The following LRRC38 variants were observed in gnomAD, a reference collection of about 807,000 sequenced individuals.
LRRC38 encodes the protein leucine rich repeat containing 38.
A neutral mutation model predicts 16.4 loss-of-function variants in LRRC38; 5 were observed. That is an observed-to-expected ratio of 0.31 (90% confidence interval 0.16 to 0.64). The LOEUF (loss-of-function observed/expected upper bound fraction) is 0.64, where lower values mean the gene tolerates loss of function less well. Among genes scored for constraint, LRRC38 ranks in the 30% least tolerant of loss-of-function variants. LRRC38 has a pLI of 0.80. For synonymous variants in LRRC38, 191 were observed against 190.2 expected (o/e 1.00, Z -0.04); for missense variants, 341 against 401.8 (o/e 0.85, Z 1.29).
At chr1:13,512,932 T>TCCCCCCCC in intron 1 of LRRC38, 31 bp downstream of exon 1, 24 of 495,292 alleles carry the variant, frequency 4.8e-5, no homozygotes, top group South Asian at 2.8e-4. Flanking sequence ...CCCCCCTCCC[T>TCCCCCCCC]CCCTCCCCCA....
At chr1:13,494,733 C>A (rs1639061463) in intron 1 of LRRC38, among the ~76,000 whole-genome samples, 1 of 152,178 alleles carries the variant, frequency 6.6e-6, no homozygotes, top group Non-Finnish European at 1.5e-5. Flanking sequence ...CTCAGCTTCT[C>A]ACTAGTTCGC....
At chr1:13,482,681 A>G (rs1385537020) in intron 1 of LRRC38, among the ~76,000 whole-genome samples, 1 of 151,798 alleles carries the variant, frequency 6.6e-6, no homozygotes, top group Non-Finnish European at 1.5e-5. Context: ...CAGTGGAAGG[A>G]TGGGCTGGCA....
intron 1 of LRRC38, among the ~76,000 whole-genome samples, chr1:13,489,152 G>C (rs1638977086): frequency 6.6e-6 from 1 of 152,146 alleles, no homozygotes. Context: ...GACAAACATG[G>C]AAGGTTCTCC....
intron 1 of LRRC38, among the ~76,000 whole-genome samples, chr1:13,485,365 C>T (rs1447003715): frequency 6.6e-6 from 1 of 151,102 alleles, no homozygotes; most frequent in African/African-American, 2.4e-5. Flanking sequence ...ATCATGAGGT[C>T]AGGAGATTGA....
chr1:13,501,165 G>A (rs924400582), intron 1 of LRRC38, among the ~76,000 whole-genome samples: 6 of 151,662 alleles, frequency 4.0e-5, no homozygotes, highest in East Asian at 1.9e-4. Context: ...ATATATATAC[G>A]CATATATATT....
chr1:13,501,834 T>C (rs1366332777), intron 1 of LRRC38, among the ~76,000 whole-genome samples: 1 of 152,098 alleles, frequency 6.6e-6, no homozygotes, highest in Non-Finnish European at 1.5e-5. Context: ...TGGAGTGCAG[T>C]GGCACGATCT....
intron 1 of LRRC38, among the ~76,000 whole-genome samples, chr1:13,494,480 A>G (rs569817028): frequency 6.8e-6 from 1 of 147,518 alleles, no homozygotes; most frequent in Non-Finnish European, 1.5e-5. Context: ...TCTGGCCCTC[A>G]TGATAGACTT....
In LRRC38 at chr1:13,508,601, A is replaced by G. The variant is rs185653279; in HGVS notation, c.631+4362T>C. On this transcript the variant is annotated intron_variant, in intron 1 of 1. Coordinates refer to ENST00000376085, the MANE Select transcript of LRRC38 (RefSeq NM_001010847.2). ...ATAGCAAAACTTTCATAGCAATGGG[A>G]TTCTGGGTACCTTTTATTTTCTTCA... Among the ~76,000 whole-genome samples the G allele has an allele frequency of 2.2e-3, 341 of 152,292 alleles. 2 individuals carry two copies. The highest frequency in any genetic ancestry group is 7.4e-3 in the African/African-American group (308 of 41,552).
At chr1:13,496,381 C>T (rs746368515) in intron 1 of LRRC38, among the ~76,000 whole-genome samples, 3 of 152,000 alleles carry the variant, frequency 2.0e-5, no homozygotes, top group Non-Finnish European at 4.4e-5. Flanking sequence ...CTATGTTTCC[C>T]AGGCTGGTCT....
At chr1:13,506,394 C>T (rs1372523506) in intron 1 of LRRC38, among the ~76,000 whole-genome samples, 3 of 152,200 alleles carry the variant, frequency 2.0e-5, no homozygotes, top group Admixed American at 2.0e-4. Flanking sequence ...CACCAATGCT[C>T]CTGACCCAGG....
chr1:13,495,185 C>T (rs954910866), intron 1 of LRRC38, among the ~76,000 whole-genome samples: 12 of 152,180 alleles, frequency 7.9e-5, no homozygotes, highest in Admixed American at 7.9e-4. Flanking sequence ...TGAGGATGAG[C>T]TGGTGACATA....
intron 1 of LRRC38, among the ~76,000 whole-genome samples, chr1:13,505,435 C>A (rs1159483049): frequency 6.6e-6 from 1 of 152,154 alleles, no homozygotes; most frequent in Non-Finnish European, 1.5e-5. Flanking sequence ...CCAAAGCCAC[C>A]GAGGGGTATT....
chr1:13,483,562 C>T (rs539156049), intron 1 of LRRC38, among the ~76,000 whole-genome samples: 198 of 152,254 alleles, frequency 1.3e-3, no homozygotes, highest in Non-Finnish European at 1.5e-3. Context: ...GGGAGCACAG[C>T]TTCTGGACAC....
intron 1 of LRRC38, among the ~76,000 whole-genome samples, chr1:13,509,197 G>A (rs866886964): frequency 1.3e-5 from 2 of 152,060 alleles, no homozygotes; most frequent in Non-Finnish European, 2.9e-5. Context: ...ACCTCCATGC[G>A]TCAAGGTTGT....
chr1:13,481,758 TTTCC>T (rs754665527), intron 1 of LRRC38, among the ~76,000 whole-genome samples: 18,099 of 133,398 alleles, frequency 0.14, 1,409 homozygotes, highest in East Asian at 0.27. Context: ...TCTCACTTTC[TTTCC>T]CTCTCTCTCC....
intron 1 of LRRC38, among the ~76,000 whole-genome samples, chr1:13,482,536 C>T (rs775083002): frequency 2.7e-5 from 4 of 150,632 alleles, no homozygotes; most frequent in East Asian, 1.9e-4. Context: ...GCCAAGATTA[C>T]GCCACTGCAA....
At chr1:13,482,581 GAAAA>G (rs79709070) in intron 1 of LRRC38, among the ~76,000 whole-genome samples, 1 of 128,314 alleles carries the variant, frequency 7.8e-6, no homozygotes, top group African/African-American at 2.9e-5. Flanking sequence ...CTCCATCTCG[GAAAA>G]AAAAAAAAAA....
At position 13,475,948 on chromosome 1, in the gene LRRC38, C is replaced by A. The variant is rs150134152; in HGVS notation, c.783G>T (p.Ala261=). The change falls in exon 2 of 2, where the codon GCG becomes GCT. Residue 261 remains alanine, a synonymous_variant. Coordinates refer to ENST00000376085, the MANE Select transcript of LRRC38 (RefSeq NM_001010847.2). The surrounding 1 kb of genome is among the most constrained non-coding windows in gnomAD (Gnocchi z 4.3). ...IIFSGVAVSI[A]AIISSFFLAT... Reference sequence around the variant, plus strand: ...CCAGGAAGAAGCTGGAGATGATGGCCGCAATGGACACGGCCACACCGGAGA... The same window carrying A: ...CCAGGAAGAAGCTGGAGATGATGGCAGCAATGGACACGGCCACACCGGAGA... The A allele has an allele frequency of 1.7e-5, 26 of 1,550,450 alleles. No individual in the cohort carries two copies. The highest frequency in any genetic ancestry group is 2.3e-5 in the Non-Finnish European group (26 of 1,146,988).
At chr1:13,495,640 G>T (rs949669524) in intron 1 of LRRC38, among the ~76,000 whole-genome samples, 3 of 152,026 alleles carry the variant, frequency 2.0e-5, no homozygotes, top group African/African-American at 7.2e-5. Flanking sequence ...AGCACCCTGG[G>T]CAGAAATCCC....
Sources: allele counts gnomAD v4.1 joint callset (sites outside exome capture counted in the v4.1 genomes callset), GRCh38; gene constraint gnomAD v4.1.1; non-coding constraint Gnocchi (gnomAD v3.1); transcripts MANE v1.5; gene names NCBI Gene and HGNC (gene_info 2026-07-23, HGNC 2026-07-21).